The following KLRG1 variants were observed in gnomAD, a reference collection of about 807,000 sequenced individuals.
KLRG1 encodes the protein killer cell lectin like receptor G1, also known as killer cell lectin-like receptor subfamily G member 1.
Under a neutral mutation model 21.8 loss-of-function variants are expected in KLRG1, and 16 were observed. That is an observed-to-expected ratio of 0.73 (90% CI 0.50 to 1.11). The LOEUF is 1.11. Among genes scored for constraint, KLRG1 ranks in the 50% most tolerant of loss-of-function variants. The pLI, the probability that KLRG1 is intolerant of heterozygous loss-of-function variation, is 0.00. For synonymous variants in KLRG1, 69 were observed against 75.9 expected, an observed-to-expected ratio of 0.91 and a Z score of 0.47; for missense variants, 173 against 218.3, an observed-to-expected ratio of 0.79 and a Z score of 1.31.
the KLRG1 span, among the ~76,000 whole-genome samples, chr12:9,061,335 G>C: frequency 6.6e-6 from 1 of 151,964 alleles, no homozygotes; most frequent in Non-Finnish European, 1.5e-5. Context: ...ATGTTTGCCA[G>C]GTTGGTCTTG....
the KLRG1 span, among the ~76,000 whole-genome samples, chr12:9,046,521 C>G: frequency 6.6e-6 from 1 of 152,050 alleles, no homozygotes; most frequent in East Asian, 1.9e-4. Context: ...TGAGGGAAAG[C>G]CTTGCTTACA....
the KLRG1 span, chr12:9,148,955 T>C: frequency 1.9e-6 from 3 of 1,602,986 alleles, no homozygotes; most frequent in Admixed American, 3.3e-5. Context: ...CACCAAAATA[T>C]ACAGCCTGTA....
At chr12:9,214,421 G>T in the KLRG1 span, among the ~76,000 whole-genome samples, 6 of 151,892 alleles carry the variant, frequency 4.0e-5, no homozygotes, top group Admixed American at 1.3e-4. Context: ...ATCAATTTGG[G>T]GACTATCTTT....
chr12:9,192,169 A>G, the KLRG1 span: 2 of 1,599,996 alleles, frequency 1.3e-6, no homozygotes, highest in Non-Finnish European at 1.7e-6. Flanking sequence ...GGGAGCAAGG[A>G]GAGATGAATC....
the KLRG1 span, among the ~76,000 whole-genome samples, chr12:9,084,625 GA>G: frequency 6.6e-6 from 1 of 152,022 alleles, no homozygotes; most frequent in African/African-American, 2.4e-5. Flanking sequence ...GAGGAACAAA[GA>G]AGCAAAACAA....
chr12:9,098,484 A>G, the KLRG1 span: 1 of 1,102,078 alleles, frequency 9.1e-7, no homozygotes. Context: ...AAGAGAGCTC[A>G]AAGCAATTAA....
chr12:9,171,287 A>G, the KLRG1 span, among the ~76,000 whole-genome samples: 1 of 152,224 alleles, frequency 6.6e-6, no homozygotes, highest in Non-Finnish European at 1.5e-5. Context: ...CTGCTAAAAG[A>G]AAAACAAACA....
At chr12:9,094,361 A>G in the KLRG1 span, among the ~76,000 whole-genome samples, 2 of 144,444 alleles carry the variant, frequency 1.4e-5, no homozygotes, top group Non-Finnish European at 3.0e-5. Flanking sequence ...ATATATATAT[A>G]TATATATATA....
the KLRG1 span, chr12:9,066,970 T>G: frequency 6.6e-6 from 1 of 152,226 alleles, no homozygotes; most frequent in Non-Finnish European, 1.5e-5. Context: ...TGGAAATATA[T>G]GTCGCAATAC....
chr12:9,109,232 C>G, the KLRG1 span: 1 of 1,035,028 alleles, frequency 9.7e-7, no homozygotes, highest in Non-Finnish European at 1.4e-6. Context: ...TGTGTTGCCA[C>G]TGCTCCCGGA....
the KLRG1 span, chr12:9,101,081 C>A: frequency 1.4e-6 from 2 of 1,436,940 alleles, no homozygotes; most frequent in African/African-American, 2.8e-5. Flanking sequence ...TCTGATACTT[C>A]CGTGGTGTAA....
At chr12:8,973,177 A>G (rs1946600310) in intron 1 of KLRG1, among the ~76,000 whole-genome samples, 1 of 151,264 alleles carries the variant, frequency 6.6e-6, no homozygotes, top group Non-Finnish European at 1.5e-5. Context: ...AAAAAAAAAA[A>G]AAAAAAAAAA....
chr12:9,206,823 G>C, the KLRG1 span, among the ~76,000 whole-genome samples: 1 of 152,068 alleles, frequency 6.6e-6, no homozygotes, highest in Non-Finnish European at 1.5e-5. Context: ...ATGGCAGCAT[G>C]GTCCAATGTA....
the KLRG1 span, chr12:9,192,125 A>G: frequency 1.5e-6 from 2 of 1,329,980 alleles, no homozygotes; most frequent in South Asian, 1.2e-5. Context: ...CCCATTTATG[A>G]ACTGTCACCG....
In KLRG1 at chr12:8,965,523, A is replaced by G. The variant is rs961041110; in HGVS notation, c.-156+15287A>G. 2.6e-5 allele frequency among the ~76,000 whole-genome samples: 4 copies of G among 152,182 alleles called. No individual in the cohort carries two copies. In the East Asian group the frequency reaches 7.7e-4, roughly 29 times the overall value. ...ACAAAATCAATGTACAAAAATCACA[A>G]GCATTCTTATACACCAATAACAGAC... On this transcript the variant is annotated intron_variant, in intron 1 of 4. Transcript: ENST00000539240.
At chr12:9,152,770 T>A in the KLRG1 span, 1 of 1,573,122 alleles carries the variant, frequency 6.4e-7, no homozygotes. Flanking sequence ...TAATTTCTGT[T>A]AATTCCAAGT....
chr12:9,104,250 G>C, the KLRG1 span: 2 of 1,611,818 alleles, frequency 1.2e-6, no homozygotes, highest in Non-Finnish European at 8.5e-7. Flanking sequence ...CTAACAGTAA[G>C]AGAGGTACCC....
At chr12:9,110,456 T>G in the KLRG1 span, 5 of 532,854 alleles carry the variant, frequency 9.4e-6, no homozygotes. Context: ...AATAATTTAA[T>G]TGTACATTTA....
chr12:9,034,570 C>T, the KLRG1 span, among the ~76,000 whole-genome samples: 35 of 152,092 alleles, frequency 2.3e-4, no homozygotes, highest in Middle Eastern at 3.4e-3. Context: ...CACAGCCTCC[C>T]GAGTAGCTGG....
Sources: gnomAD v4.1 joint callset for allele counts (sites outside exome capture counted in the v4.1 genomes callset) on GRCh38, gnomAD v4.1.1 for gene constraint, MANE v1.5 for transcripts, NCBI Gene and HGNC (gene_info 2026-07-23, HGNC 2026-07-21) for gene names.